Variants in EDA observed in about 807,000 individuals in gnomAD.
The protein encoded by EDA is ectodysplasin-A.
EDA carries 2 observed loss-of-function variants against 23.6 expected under a neutral mutation model. That is an observed-to-expected ratio of 0.08 (90% CI 0.03 to 0.27). The LOEUF (loss-of-function observed/expected upper bound fraction) is 0.27, where lower values mean the gene tolerates loss of function less well. EDA is among the 10% of genes least tolerant of loss of function. EDA has a pLI of 1.00. For missense variants in EDA, 229 were observed against 324.2 expected (o/e 0.71, Z 2.26); for synonymous variants, 131 against 132.0 (o/e 0.99, Z 0.05).
chrX:69,751,791 G>T (rs1043554292), intron 1 of EDA, among the ~76,000 whole-genome samples: 3 of 109,893 alleles, frequency 2.7e-5, no homozygotes, highest in African/African-American at 1.0e-4. Context: ...TGAAGCAATT[G>T]TGAATGGGAG....
intron 2 of EDA, among the ~76,000 whole-genome samples, chrX:70,012,157 G>A (rs5936820): frequency 4.5e-5 from 5 of 110,685 alleles, no homozygotes; most frequent in Non-Finnish European, 7.6e-5. Context: ...GGGTTTTGTC[G>A]AAAGAAAACA....
At chrX:69,744,510 T>C (rs1460218845) in intron 1 of EDA, among the ~76,000 whole-genome samples, 1 of 112,254 alleles carries the variant, frequency 8.9e-6, no homozygotes, top group East Asian at 2.8e-4. Context: ...GTTGTAAAGA[T>C]ACTACCGTGT....
intron 1 of EDA, among the ~76,000 whole-genome samples, chrX:69,858,405 T>G (rs2017304791): frequency 8.9e-6 from 1 of 112,109 alleles, no homozygotes; most frequent in Admixed American, 9.5e-5. Context: ...GCTTCTTCAA[T>G]ACCTAGTTTA....
intron 1 of EDA, chrX:69,937,072 T>C: frequency 5.0e-6 from 3 of 605,278 alleles, no homozygotes; most frequent in Admixed American, 2.9e-5. Flanking sequence ...GGACTGTCTG[T>C]TGTTCAAAGG....
chrX:69,788,832 TC>T (rs1569332782), intron 1 of EDA, among the ~76,000 whole-genome samples: 1 of 113,255 alleles, frequency 8.8e-6, no homozygotes, highest in African/African-American at 3.2e-5. Context: ...AGTTCCAGCT[TC>T]CCAGCTGCTT....
intron 1 of EDA, among the ~76,000 whole-genome samples, chrX:69,673,818 A>T (rs1419402882): frequency 9.0e-6 from 1 of 111,701 alleles, no homozygotes; most frequent in Admixed American, 9.6e-5. Context: ...ATTCTAGGCT[A>T]TTCAAAGTCT....
intron 2 of EDA, among the ~76,000 whole-genome samples, chrX:69,982,175 A>T (rs769570491): frequency 9.0e-6 from 1 of 111,635 alleles, no homozygotes; most frequent in South Asian, 3.9e-4. Context: ...GCGTGTGGGG[A>T]AAATGTTGCT....
At chrX:70,009,296 T>C (rs1011769380) in intron 2 of EDA, among the ~76,000 whole-genome samples, 1 of 111,508 alleles carries the variant, frequency 9.0e-6, no homozygotes, top group African/African-American at 3.3e-5. Context: ...ATTACTTCCT[T>C]TCTTCTGCTT....
chrX:70,009,695 T>C (rs1381766840), intron 2 of EDA, among the ~76,000 whole-genome samples: 1 of 111,701 alleles, frequency 9.0e-6, no homozygotes, highest in Non-Finnish European at 1.9e-5. Context: ...CAAGTGATTC[T>C]CCTGCCTTAG....
At chrX:69,782,803 T>C (rs1047480129) in intron 1 of EDA, among the ~76,000 whole-genome samples, 5 of 111,874 alleles carry the variant, frequency 4.5e-5, no homozygotes, top group Admixed American at 3.8e-4. Context: ...AAATATAACT[T>C]GACTGAGCTC....
At chrX:69,837,210 A>T (rs2016797073) in intron 1 of EDA, among the ~76,000 whole-genome samples, 1 of 111,561 alleles carries the variant, frequency 9.0e-6, no homozygotes, top group Admixed American at 9.5e-5. Flanking sequence ...AATAAAGTCT[A>T]GAAAAGTATA....
intron 1 of EDA, among the ~76,000 whole-genome samples, chrX:69,760,110 G>T (rs2014255035): frequency 1.0e-5 from 1 of 95,842 alleles, no homozygotes; most frequent in Non-Finnish European, 2.0e-5. Context: ...GAACAGTCTA[G>T]TATGGTTGGA....
chrX:69,645,124 T>G (rs760770495), intron 1 of EDA, among the ~76,000 whole-genome samples: 1 of 111,195 alleles, frequency 9.0e-6, no homozygotes, highest in Non-Finnish European at 1.9e-5. Context: ...TAAAATGAGT[T>G]CAGGAGGAGT....
At chrX:69,914,963 G>A (rs1234225144) in intron 1 of EDA, among the ~76,000 whole-genome samples, 1 of 111,846 alleles carries the variant, frequency 8.9e-6, no homozygotes, top group Non-Finnish European at 1.9e-5. Flanking sequence ...AGTGTCTCTT[G>A]ATTTCTTTCC....
intron 1 of EDA, among the ~76,000 whole-genome samples, chrX:69,863,639 GTA>G (rs1032318392): frequency 1.6e-4 from 11 of 68,691 alleles, no homozygotes; most frequent in African/African-American, 5.3e-4. Flanking sequence ...ATGTGTGTGT[GTA>G]TATATGTATT....
chrX:69,769,986 A>G (rs983973610), intron 1 of EDA, among the ~76,000 whole-genome samples: 10 of 111,387 alleles, frequency 9.0e-5, no homozygotes, highest in African/African-American at 2.3e-4. Context: ...TCACTTCTAG[A>G]TTATTTTACA....
At chrX:69,997,496 A>G (rs2019674881) in intron 2 of EDA, among the ~76,000 whole-genome samples, 1 of 112,626 alleles carries the variant, frequency 8.9e-6, no homozygotes, top group Admixed American at 9.4e-5. Flanking sequence ...AAAAGTTTGG[A>G]AAATTAACCT....
At chrX:69,669,920 G>A (rs757281920) in intron 1 of EDA, among the ~76,000 whole-genome samples, 68 of 111,877 alleles carry the variant, frequency 6.1e-4, no homozygotes, top group Non-Finnish European at 8.1e-4. Context: ...CTAGAGTTAT[G>A]TATGATTTAC....
chrX:69,742,441 A>G (rs1025200078), intron 1 of EDA, among the ~76,000 whole-genome samples: 4 of 112,090 alleles, frequency 3.6e-5, no homozygotes, highest in African/African-American at 9.7e-5. Flanking sequence ...TGTGTCTTAA[A>G]TGTCACAGAC....
Sources: allele counts gnomAD v4.1 joint callset (sites outside exome capture counted in the v4.1 genomes callset), GRCh38; gene constraint gnomAD v4.1.1; transcripts MANE v1.5; gene names NCBI Gene and HGNC (gene_info 2026-07-23, HGNC 2026-07-21).